SEC14L1: variants seen among roughly 807,000 people sequenced by gnomAD.
SEC14L1 encodes the protein SEC14-like protein 1.
In SEC14L1, 48 loss-of-function variants were observed where a neutral mutation model predicts 85.3. The ratio of observed to expected loss-of-function variants is 0.56; its 90% CI spans 0.45 to 0.72. The LOEUF is 0.72. SEC14L1 is among the 30% of genes least tolerant of loss of function. The pLI is 0.00. For synonymous variants in SEC14L1, 391 were observed against 355.5 expected (o/e 1.10, Z -1.12); for missense variants, 682 against 921.4 (o/e 0.74, Z 3.36).
chr17:77,141,332 C>A (rs1301428070), intron 1 of SEC14L1: 1 of 133,142 alleles, frequency 7.5e-6, no homozygotes. Context: ...GCCCCTCGCC[C>A]CCCTCCCCCG....
intron 1 of SEC14L1, chr17:77,141,560 C>T (rs3785445): frequency 0.14 from 21,819 of 152,074 alleles, 1,914 homozygotes; most frequent in Middle Eastern, 0.2. Flanking sequence ...CCTTTGGCTC[C>T]TGTTTAAACA....
At chr17:77,196,038 T>A (rs1975792363) in intron 7 of SEC14L1, among the ~76,000 whole-genome samples, 164 bp from the exon 8 acceptor site, 1 of 152,226 alleles carries the variant, frequency 6.6e-6, no homozygotes, top group African/African-American at 2.4e-5. Flanking sequence ...TCTCAGAGCC[T>A]ATCCCTCAAG....
intron 2 of SEC14L1, among the ~76,000 whole-genome samples, chr17:77,093,069 A>T (rs1346648914): frequency 1.3e-5 from 2 of 151,728 alleles, no homozygotes; most frequent in African/African-American, 4.8e-5. Flanking sequence ...TGGAAGAATG[A>T]GGGGTGGCTG....
chr17:77,108,848 A>AGTT (rs1310136970), intron 3 of SEC14L1, among the ~76,000 whole-genome samples: 1 of 143,936 alleles, frequency 6.9e-6, no homozygotes, highest in African/African-American at 2.5e-5. Flanking sequence ...TTTGAGACAG[A>AGTT]GTTTGGTTCT....
chr17:77,090,807 C>T (rs531817995), intron 2 of SEC14L1, among the ~76,000 whole-genome samples: 59 of 152,032 alleles, frequency 3.9e-4, no homozygotes, highest in African/African-American at 1.3e-3. Context: ...CTGGGTAACA[C>T]GAGACCTTGT....
chr17:77,193,931 A>G (rs1975669420), intron 6 of SEC14L1, among the ~76,000 whole-genome samples: 1 of 152,020 alleles, frequency 6.6e-6, no homozygotes, highest in African/African-American at 2.4e-5. Context: ...TCCACAGAAG[A>G]CCTTCCTTTC....
At chr17:77,166,097 T>G (rs1043754961) in intron 3 of SEC14L1, among the ~76,000 whole-genome samples, 1 of 152,138 alleles carries the variant, frequency 6.6e-6, no homozygotes, top group Non-Finnish European at 1.5e-5. Flanking sequence ...GCCACACTTA[T>G]TGAGTATTGT....
At chr17:77,134,657 G>T (rs979874886) in intron 3 of SEC14L1, among the ~76,000 whole-genome samples, 27 of 152,344 alleles carry the variant, frequency 1.8e-4, no homozygotes, top group African/African-American at 6.3e-4. Context: ...CTTGAACCCA[G>T]GAGGCGGATG....
At position 77,212,095 on chromosome 17, in the gene SEC14L1, C is replaced by T; in HGVS notation, c.1757C>T (p.Ser586Phe). 1.2e-6 allele frequency: 2 copies of T among 1,614,194 alleles called. No individual in the cohort carries two copies. Among genetic ancestry groups the T allele is most frequent in the Non-Finnish European group, 1.7e-6 (2 of 1,180,046 alleles). ...TCCCTGGGAGCCCACAGCATCACCT[C>T]TCCGGGTGGGAACAATGTGCAGCTC... ...KDSLGAHSIT[S>F]PGGNNVQLID... Residue 586 changes from serine to phenylalanine, a missense_variant, in exon 15 of 17, where the codon TCT becomes TTT. By Grantham distance (155) the Ser-to-Phe change is radical. This residue lies in a region of SEC14L1 where 420 missense variants were observed against 619.5 expected (regional missense o/e 0.68). Coordinates refer to ENST00000436233, the MANE Select transcript of SEC14L1 (RefSeq NM_001143998.2).
At chr17:77,147,312 T>C (rs118147433) in intron 3 of SEC14L1, among the ~76,000 whole-genome samples, 2,013 of 152,258 alleles carry the variant, frequency 0.013, 25 homozygotes, top group South Asian at 0.046. Context: ...AGGTCAGATA[T>C]GTTAATTGCA....
intron 3 of SEC14L1, among the ~76,000 whole-genome samples, chr17:77,176,326 G>T (rs1377171846): frequency 3.3e-5 from 5 of 152,150 alleles, no homozygotes; most frequent in Middle Eastern, 6.8e-3. Context: ...GAAAGGATAG[G>T]TATATGTAAA....
At position 77,209,484 on chromosome 17, in the gene SEC14L1, C is replaced by CT; in HGVS notation, c.1611+9dup. The stretch of plus-strand genomic sequence containing the variant: ...AAAGGAGCCCCACATGAGGTACGTC[C>CT]TCCGCCTTCCTGCACCTGGGCCGGC... On this transcript the variant is annotated intron_variant, in intron 14 of 16. Transcript: ENST00000436233. 6.2e-7 allele frequency: 1 copy of CT among 1,612,936 alleles called. No individual in the cohort carries two copies. The highest frequency in any genetic ancestry group is 1.1e-5 in the South Asian group (1 of 91,038).
At position 77,216,737 on chromosome 17, in the gene SEC14L1, G is replaced by A. The variant is rs946714623; in HGVS notation, c.*2714G>A. 10 of 1,177,622 alleles carry A rather than the reference G, an allele frequency of 8.5e-6. No individual in the cohort carries two copies. Among genetic ancestry groups the A allele is most frequent in the Middle Eastern group, 2.0e-4 (1 of 4,938 alleles). The allele number at this position is 1,177,622 out of a possible 1,614,324, so 72.9% of individuals were successfully genotyped here. A position where few individuals can be genotyped will look rare whatever the true frequency, so the allele number is the denominator to read the frequency against. ...CAAAGACTGTAGTGCATCTTGAAGA[G>A]CTCAAAGCACATGACCGCACAAATG... On this transcript the variant is annotated 3_prime_UTR_variant, in exon 17 of 17. Coordinates refer to ENST00000436233, the MANE Select transcript of SEC14L1 (RefSeq NM_001143998.2).
chr17:77,092,430 T>G (rs920764943), intron 2 of SEC14L1, among the ~76,000 whole-genome samples: 2 of 152,152 alleles, frequency 1.3e-5, no homozygotes, highest in African/African-American at 2.4e-5. Flanking sequence ...TGTTTCCATC[T>G]GCTGAAATGT....
upstream of SEC14L1, among the ~76,000 whole-genome samples, chr17:77,139,498 ATTTTT>A (rs34187673): frequency 7.5e-6 from 1 of 132,802 alleles, no homozygotes; most frequent in Non-Finnish European, 1.6e-5. Context: ...GGTGGATGTG[ATTTTT>A]TTTTTTTTTT....
intron 3 of SEC14L1, among the ~76,000 whole-genome samples, chr17:77,189,538 G>A (rs941517907): frequency 6.6e-6 from 1 of 152,092 alleles, no homozygotes; most frequent in African/African-American, 2.4e-5. Flanking sequence ...AATTTTTTAT[G>A]TATTCTAGGC....
chr17:77,208,090 C>G (rs924705232), intron 13 of SEC14L1, among the ~76,000 whole-genome samples: 5 of 152,182 alleles, frequency 3.3e-5, no homozygotes, highest in Non-Finnish European at 7.3e-5. Context: ...TGTGTACCCA[C>G]TGGGTTTGAC....
intron 14 of SEC14L1, chr17:77,210,868 C>G (rs1976715768): frequency 6.6e-6 from 1 of 152,148 alleles, no homozygotes; most frequent in South Asian, 2.1e-4. Flanking sequence ...AACCTCCGTT[C>G]TGCTTTGGGT....
intron 3 of SEC14L1, among the ~76,000 whole-genome samples, chr17:77,097,817 TA>T (rs1448903563): frequency 2.0e-5 from 3 of 151,988 alleles, no homozygotes; most frequent in Non-Finnish European, 4.4e-5. Context: ...TATCCCAGGA[TA>T]GGGGAGACTG....
Sources: allele counts gnomAD v4.1 joint callset (sites outside exome capture counted in the v4.1 genomes callset), GRCh38; gene constraint gnomAD v4.1.1; regional missense constraint gnomAD v4.1.1; transcripts MANE v1.5; gene names NCBI Gene and HGNC (gene_info 2026-07-23, HGNC 2026-07-21).